ASH1L: variants seen among roughly 807,000 people sequenced by gnomAD.
The protein encoded by ASH1L is histone-lysine N-methyltransferase ASH1L.
A neutral mutation model predicts 269.0 loss-of-function variants in ASH1L; 23 were observed. The ratio of observed to expected loss-of-function variants is 0.09; its 90% CI spans 0.06 to 0.12. The LOEUF is 0.12. ASH1L is among the 10% of genes least tolerant of loss of function. The pLI is 1.00. For synonymous variants in ASH1L, 1,187 were observed against 1,253.5 expected (o/e 0.95, Z 1.12); for missense variants, 2,912 against 3,567.8 (o/e 0.82, Z 4.68).
At chr1:155,549,003 T>A (rs558161622) in intron 1 of ASH1L, among the ~76,000 whole-genome samples, 1 of 152,338 alleles carries the variant, frequency 6.6e-6, no homozygotes, top group Admixed American at 6.5e-5. Flanking sequence ...AAGAAAAGGA[T>A]AATTGTGTCT....
At chr1:155,411,673 G>A (rs1659822519) in intron 6 of ASH1L, among the ~76,000 whole-genome samples, 1 of 139,104 alleles carries the variant, frequency 7.2e-6, no homozygotes, top group Non-Finnish European at 1.5e-5. Context: ...TATAATGTTG[G>A]GGCACTTTAA....
At chr1:155,470,372 T>C (rs1205889297) in intron 3 of ASH1L, among the ~76,000 whole-genome samples, 1 of 151,818 alleles carries the variant, frequency 6.6e-6, no homozygotes. Context: ...GGCAGGAGAA[T>C]TGCTTGAGCC....
intron 2 of ASH1L, among the ~76,000 whole-genome samples, chr1:155,495,402 G>A (rs753063017): frequency 1.3e-5 from 2 of 152,082 alleles, no homozygotes; most frequent in Non-Finnish European, 2.9e-5. Context: ...CCTGTACAGC[G>A]TGGTACTGTA....
chr1:155,447,051 G>A (rs555226404), intron 4 of ASH1L, among the ~76,000 whole-genome samples: 1 of 152,244 alleles, frequency 6.6e-6, no homozygotes, highest in African/African-American at 2.4e-5. Flanking sequence ...TCTGCAAATT[G>A]TATTATTTCT....
intron 5 of ASH1L, chr1:155,433,659 T>C: frequency 1.2e-6 from 2 of 1,604,338 alleles, no homozygotes; most frequent in Non-Finnish European, 1.7e-6. Flanking sequence ...AGGATCACCC[T>C]GGGATATACA....
At chr1:155,397,630 C>T (rs562946461) in intron 6 of ASH1L, among the ~76,000 whole-genome samples, 1 of 152,244 alleles carries the variant, frequency 6.6e-6, no homozygotes, top group Admixed American at 6.5e-5. Context: ...TGGTTCACTG[C>T]AACTCTGCCT....
rs748862329 is a variant in ASH1L, at chr1:155,395,472, C to T, written c.6090G>A (p.Ala2030=). 24 of 1,601,022 alleles carry T rather than the reference C, an allele frequency of 1.5e-5. No individual in the cohort carries two copies. Among genetic ancestry groups the T allele is most frequent in the Middle Eastern group, 1.7e-4 (1 of 6,042 alleles). ...PGEHEYGLFP[A]PIHVGKYLRQ... ...CTCGGTACTTACCAACATGAATGGG[C>T]GCTGGAAATAATCCATATTCATGCT... The change falls in exon 7 of 28, where the codon GCG becomes GCA. Residue 2030 remains alanine (A), a synonymous_variant. Coordinates refer to ENST00000392403, the MANE Select transcript of ASH1L (RefSeq NM_018489.3).
intron 6 of ASH1L, among the ~76,000 whole-genome samples, chr1:155,412,583 T>C (rs147229973): frequency 2.6e-3 from 401 of 152,278 alleles, no homozygotes; most frequent in South Asian, 0.015. Flanking sequence ...ATATCCTTTA[T>C]AACAAACCAG....
At chr1:155,470,764 C>T (rs1558138896) in intron 3 of ASH1L, among the ~76,000 whole-genome samples, 1 of 151,956 alleles carries the variant, frequency 6.6e-6, no homozygotes, top group African/African-American at 2.4e-5. Flanking sequence ...GTTGGCCAGG[C>T]TGATCTCGAA....
At chr1:155,350,843 G>A (rs1159764423) in intron 17 of ASH1L, among the ~76,000 whole-genome samples, 1 of 150,686 alleles carries the variant, frequency 6.6e-6, no homozygotes, top group Non-Finnish European at 1.5e-5. Context: ...GTTGCTTGAA[G>A]CCGGGAGGCG....
chr1:155,469,474 C>G (rs555668367), intron 3 of ASH1L, among the ~76,000 whole-genome samples: 2 of 152,166 alleles, frequency 1.3e-5, no homozygotes, highest in Non-Finnish European at 2.9e-5. Flanking sequence ...TGAGCCACCA[C>G]GTCCACCCAC....
chr1:155,429,752 G>A (rs1661462178), intron 5 of ASH1L, among the ~76,000 whole-genome samples: 1 of 152,074 alleles, frequency 6.6e-6, no homozygotes, highest in Non-Finnish European at 1.5e-5. Context: ...ATATGGGTAC[G>A]ACCTCTACAG....
intron 1 of ASH1L, among the ~76,000 whole-genome samples, chr1:155,545,971 A>T (rs756383539): frequency 6.6e-6 from 1 of 152,070 alleles, no homozygotes; most frequent in East Asian, 1.9e-4. Flanking sequence ...AGCCTGGCCA[A>T]TGTGGTGAAA....
chr1:155,412,658 G>T (rs533179288), intron 6 of ASH1L, among the ~76,000 whole-genome samples: 19 of 152,106 alleles, frequency 1.2e-4, no homozygotes, highest in Non-Finnish European at 1.5e-5. Flanking sequence ...AAACCCAAAG[G>T]GGGGATTGTG....
At chr1:155,400,808 ACTT>A in intron 6 of ASH1L, among the ~76,000 whole-genome samples, 1 of 152,352 alleles carries the variant, frequency 6.6e-6, no homozygotes, top group South Asian at 2.1e-4. Context: ...AAATTTACAT[ACTT>A]CAGCATAATC....
chr1:155,373,660 G>A (rs1400983547), intron 10 of ASH1L, among the ~76,000 whole-genome samples: 1 of 151,810 alleles, frequency 6.6e-6, no homozygotes, highest in African/African-American at 2.4e-5. Context: ...AGGCTGTTAA[G>A]CATTATTTTT....
At chr1:155,539,394 A>G (rs1379193305) in intron 1 of ASH1L, among the ~76,000 whole-genome samples, 2 of 151,656 alleles carry the variant, frequency 1.3e-5, no homozygotes, top group Non-Finnish European at 2.9e-5. Flanking sequence ...TTGTACATCT[A>G]CCTTGCTCTC....
chr1:155,452,953 G>A (rs968427829), intron 4 of ASH1L, among the ~76,000 whole-genome samples: 1 of 152,156 alleles, frequency 6.6e-6, no homozygotes, highest in African/African-American at 2.4e-5. Flanking sequence ...TAAACCTTAG[G>A]AATTTTTCAT....
intron 2 of ASH1L, among the ~76,000 whole-genome samples, chr1:155,514,452 T>G (rs1043734785): frequency 6.6e-6 from 1 of 152,232 alleles, no homozygotes; most frequent in African/African-American, 2.4e-5. Flanking sequence ...CCACTTGATA[T>G]TGGAATACGT....
Sources: allele counts gnomAD v4.1 joint callset (sites outside exome capture counted in the v4.1 genomes callset), GRCh38; gene constraint gnomAD v4.1.1; transcripts MANE v1.5; gene names NCBI Gene and HGNC (gene_info 2026-07-23, HGNC 2026-07-21).